Variants in DCDC2 observed in about 807,000 individuals in gnomAD.
DCDC2 encodes doublecortin domain-containing protein 2.
In DCDC2, 40 loss-of-function variants were observed where a neutral mutation model predicts 50.2. That is an observed-to-expected ratio of 0.80 (90% CI 0.62 to 1.04). The LOEUF is 1.04. DCDC2 is among the 50% of genes least tolerant of loss of function. The probability of loss-of-function intolerance (pLI) is 0.00; values close to 1 mark genes in which losing one functional copy is unlikely to be tolerated. For missense variants in DCDC2, 570 were observed against 581.9 expected, an observed-to-expected ratio of 0.98 and a Z score of 0.21; for synonymous variants, 234 against 210.6, an observed-to-expected ratio of 1.11 and a Z score of -0.96.
In DCDC2 at chr6:24,172,804, G is replaced by C. The variant is rs1760812170; in HGVS notation, c.*1926C>G. The C allele has an allele frequency of 6.6e-6, 1 of 151,884 alleles. No homozygotes were observed. The highest frequency in any genetic ancestry group is 2.4e-5 in the African/African-American group (1 of 41,338). 9.4% of individuals were successfully genotyped at this position (151,884 alleles called of 1,614,324 possible). A position where few individuals can be genotyped will look rare whatever the true frequency, so the allele number is the denominator to read the frequency against. ...AGGTCAGGAGTTTGAGACCAGCCTG[G>C]CCAACATGGTGAAACATCTGTCTCT... On this transcript the variant is annotated 3_prime_UTR_variant, in exon 10 of 10. Coordinates refer to ENST00000378454, the MANE Select transcript of DCDC2 (RefSeq NM_016356.5).
rs987652399 is a variant in DCDC2, at chr6:24,172,593, T to A, written c.*2137A>T. The A allele has an allele frequency of 3.9e-5, 6 of 152,074 alleles. No individual in the cohort carries two copies. Among genetic ancestry groups the A allele is most frequent in the African/African-American group, 1.4e-4 (6 of 41,402 alleles). The allele number at this position is 152,074 out of a possible 1,614,324, so 9.4% of individuals were successfully genotyped here. On this transcript the variant is annotated 3_prime_UTR_variant, in exon 10 of 10. Coordinates refer to ENST00000378454, the MANE Select transcript of DCDC2 (RefSeq NM_016356.5). Reference sequence around the variant, plus strand: ...TCTCCATTGAAGAAACAAAAGAGAATCACCTTGATAATTAGTTATAATTTC... The same window carrying A: ...TCTCCATTGAAGAAACAAAAGAGAAACACCTTGATAATTAGTTATAATTTC...
chr6:24,298,358 A>G (rs1214877097), intron 4 of DCDC2, among the ~76,000 whole-genome samples: 3 of 152,224 alleles, frequency 2.0e-5, no homozygotes, highest in South Asian at 2.1e-4. Context: ...CTATAAATCA[A>G]TAAGATAAAC....
At chr6:24,358,786 TA>T (rs1420821586), upstream of DCDC2, among the ~76,000 whole-genome samples, 83 of 82,674 alleles carry the variant, frequency 1.0e-3, no homozygotes, top group South Asian at 6.6e-3. Context: ...ATATAATATA[TA>T]AAATATATAT....
At chr6:24,204,948 G>C (rs1581584957) in intron 8 of DCDC2, 54 bp downstream of exon 8, 1 of 1,529,900 alleles carries the variant, frequency 6.5e-7, no homozygotes, top group East Asian at 2.3e-5. Flanking sequence ...CACAAAACTT[G>C]GAAAAAAAAC....
intron 2 of DCDC2, among the ~76,000 whole-genome samples, chr6:24,343,051 CTTT>C (rs11322032): frequency 8.1e-5 from 10 of 124,080 alleles, no homozygotes; most frequent in Admixed American, 2.4e-4. Flanking sequence ...GGTAAATATT[CTTT>C]TTTTTTTTTT....
chr6:24,354,101 G>A (rs904525622), intron 1 of DCDC2, among the ~76,000 whole-genome samples: 1 of 152,166 alleles, frequency 6.6e-6, no homozygotes, highest in African/African-American at 2.4e-5. Flanking sequence ...ACTCACTCAT[G>A]TGGGATGACT....
intron 2 of DCDC2, among the ~76,000 whole-genome samples, chr6:24,324,599 T>C (rs571399333): frequency 6.6e-6 from 1 of 152,254 alleles, no homozygotes; most frequent in Admixed American, 6.5e-5. Context: ...TATGACACTT[T>C]GGGGCCAGGC....
intron 4 of DCDC2, among the ~76,000 whole-genome samples, chr6:24,291,488 T>A: frequency 7.4e-6 from 1 of 134,974 alleles, no homozygotes; most frequent in East Asian, 2.2e-4. Context: ...TTTTTTTTTT[T>A]TTTTTTTTTT....
At chr6:24,208,869 T>C (rs1363726447) in intron 7 of DCDC2, among the ~76,000 whole-genome samples, 2 of 152,206 alleles carry the variant, frequency 1.3e-5, no homozygotes, top group African/African-American at 2.4e-5. Flanking sequence ...GAACTAACAA[T>C]ACAAAGCATT....
At chr6:24,382,852 T>C in the DCDC2 span, among the ~76,000 whole-genome samples, 2 of 152,236 alleles carry the variant, frequency 1.3e-5, no homozygotes, top group Non-Finnish European at 2.9e-5. Context: ...AGGCTGCTGC[T>C]GGTATAGTCC....
chr6:24,381,857 A>AGGAAGGAG, the DCDC2 span, among the ~76,000 whole-genome samples: 1 of 137,600 alleles, frequency 7.3e-6, no homozygotes, highest in Non-Finnish European at 1.6e-5. Flanking sequence ...GAAGGAAGGA[A>AGGAAGGAG]GGAGAAATAA....
At chr6:24,323,007 A>G (rs1229969057) in intron 2 of DCDC2, among the ~76,000 whole-genome samples, 1 of 152,230 alleles carries the variant, frequency 6.6e-6, no homozygotes, top group Non-Finnish European at 1.5e-5. Context: ...CAACCCGATC[A>G]CAAGAAAACA....
At chr6:24,205,376 CAT>C in intron 7 of DCDC2, 1 of 1,446,780 alleles carries the variant, frequency 6.9e-7, no homozygotes. Context: ...GATTTACTAA[CAT>C]AGCCCTTTGT....
the DCDC2 span, among the ~76,000 whole-genome samples, chr6:24,367,028 G>T: frequency 6.6e-6 from 1 of 152,024 alleles, no homozygotes; most frequent in African/African-American, 2.4e-5. Flanking sequence ...AGGGATGGGG[G>T]TCTCTCTGTG....
intron 2 of DCDC2, among the ~76,000 whole-genome samples, chr6:24,303,149 T>C (rs1759412706): frequency 6.6e-6 from 1 of 152,016 alleles, no homozygotes; most frequent in African/African-American, 2.4e-5. Flanking sequence ...CCCTTGACCT[T>C]ATGGCCGCTC....
the DCDC2 span, among the ~76,000 whole-genome samples, chr6:24,380,402 T>C: frequency 2.0e-5 from 3 of 152,198 alleles, no homozygotes; most frequent in Non-Finnish European, 4.4e-5. Flanking sequence ...TGAAAGTGGA[T>C]AGACCCACAG....
chr6:24,354,497 C>T lies in DCDC2; in HGVS notation c.294-874G>A, dbSNP rs141681235. ...GAAATGTTTTTATTGTTGCTGTTTGCCTTTTTGGATAAAATACTTTAGTTA... is the reference window on the plus strand; with the variant it reads ...GAAATGTTTTTATTGTTGCTGTTTGTCTTTTTGGATAAAATACTTTAGTTA... On this transcript the variant is annotated intron_variant, in intron 1 of 9. Transcript: ENST00000378454. Among the ~76,000 whole-genome samples the T allele has an allele frequency of 1.7e-3, 257 of 152,158 alleles. 2 individuals carry two copies. The highest frequency in any genetic ancestry group is 5.9e-3 in the Admixed American group (90 of 15,270).
At chr6:24,347,259 A>G (rs1166259913) in intron 2 of DCDC2, among the ~76,000 whole-genome samples, 2 of 152,208 alleles carry the variant, frequency 1.3e-5, no homozygotes, top group Non-Finnish European at 2.9e-5. Flanking sequence ...AACAAAGACC[A>G]ACATTGGTAG....
chr6:24,276,823 T>A (rs1335888882), intron 7 of DCDC2, among the ~76,000 whole-genome samples: 2 of 151,268 alleles, frequency 1.3e-5, no homozygotes, highest in East Asian at 3.9e-4. Flanking sequence ...GAAATCTTCA[T>A]AAGAACCCAC....
Sources: allele counts gnomAD v4.1 joint callset (sites outside exome capture counted in the v4.1 genomes callset), GRCh38; gene constraint gnomAD v4.1.1; transcripts MANE v1.5; gene names NCBI Gene and HGNC (gene_info 2026-07-23, HGNC 2026-07-21).